The following LMO7 variants were observed in gnomAD, a reference collection of about 807,000 sequenced individuals.
The protein encoded by LMO7 is LIM domain only protein 7.
A neutral mutation model predicts 206.5 loss-of-function variants in LMO7; 120 were observed. The ratio of observed to expected loss-of-function variants is 0.58; its 90% confidence interval spans 0.50 to 0.68. The LOEUF is 0.68. LMO7 is among the 30% of genes least tolerant of loss of function. The pLI is 0.00. For missense variants in LMO7, 1,959 were observed against 1,957.9 expected, an observed-to-expected ratio of 1.00 and a Z score of -0.01; for synonymous variants, 706 against 681.5, an observed-to-expected ratio of 1.04 and a Z score of -0.56.
At position 75,752,640 on chromosome 13, in the gene LMO7, C is replaced by A. The variant is rs548265888; in HGVS notation, c.211-8292C>A. ...ATTGTCCATCATTCACACTCTACTT[C>A]CATTTGTATACATTATTTGGCTCCC... On this transcript the variant is annotated intron_variant, in intron 3 of 30. Coordinates refer to ENST00000377534, the MANE Select transcript of LMO7 (RefSeq NM_001306080.2). Among the ~76,000 whole-genome samples, 3 of 152,274 alleles carry A rather than the reference C, an allele frequency of 2.0e-5. No homozygotes were observed. The East Asian group carries it at 5.8e-4, about 29-fold the overall frequency.
chr13:75,770,360 G>A (rs929216890), intron 4 of LMO7, among the ~76,000 whole-genome samples: 1 of 151,956 alleles, frequency 6.6e-6, no homozygotes, highest in Non-Finnish European at 1.5e-5. Flanking sequence ...TTTGGCTAGA[G>A]CCTCACATAC....
At position 75,774,304 on chromosome 13, in the gene LMO7, G is replaced by A. The variant is rs1285442358; in HGVS notation, c.317+13266G>A. Among the ~76,000 whole-genome samples, 4 of 152,186 alleles carry A rather than the reference G, an allele frequency of 2.6e-5. No homozygotes were observed. The East Asian group carries it at 7.7e-4, about 29-fold the overall frequency. The stretch of plus-strand genomic sequence containing the variant: ...GAATATCATATAAGAGGAGCATACA[G>A]TATGTAGTCTGTTGTGTTTTATCCC... On this transcript the variant is annotated intron_variant, in intron 4 of 30. Transcript: ENST00000377534.
chr13:75,788,452 C>CAA (rs10638523), intron 4 of LMO7, among the ~76,000 whole-genome samples: 1,276 of 59,820 alleles, frequency 0.021, 39 homozygotes, highest in African/African-American at 0.072. Flanking sequence ...AACTCTGCCT[C>CAA]AAAAAAAAAA....
At position 75,623,291 on chromosome 13, in the gene LMO7, C is replaced by CA; in HGVS notation, c.200dup (p.Asn67LysfsTer9). 6.9e-7 allele frequency: 1 copy of CA among 1,456,388 alleles called. No individual in the cohort carries two copies. The highest frequency in any genetic ancestry group is 9.6e-7 in the Non-Finnish European group (1 of 1,039,894). The allele number at this position is 1,456,388 out of a possible 1,614,324, so 90.2% of individuals were successfully genotyped here. On this transcript the variant is annotated frameshift_variant, in exon 2 of 30. Transcript: ENST00000341547. LOFTEE classifies it high-confidence loss of function. ...CACAGATATAATTTTGAGGACTGAA[C>CA]AAAATTCAGGAAGGACTATTCTCAT...
chr13:75,841,668 C>T lies in LMO7; in HGVS notation c.3716C>T (p.Thr1239Ile). Residue 1239 changes from threonine to isoleucine, a missense_variant, in exon 24 of 31, where the codon ACA (threonine) becomes ATA (isoleucine). Coordinates refer to ENST00000377534, the MANE Select transcript of LMO7 (RefSeq NM_001306080.2). ...VLSSNSMSLT[T>I]REPSLATWEA... Reference sequence around the variant, plus strand: ...AGCTCAAACAGCATGTCTCTGACCACACGGGAGCCCTCTCTTGCCACCTGG... The same window carrying T: ...AGCTCAAACAGCATGTCTCTGACCATACGGGAGCCCTCTCTTGCCACCTGG... The T allele has an allele frequency of 6.2e-7, 1 of 1,614,098 alleles. No homozygotes were observed. The highest frequency in any genetic ancestry group is 8.5e-7 in the Non-Finnish European group (1 of 1,179,972).
chr13:75,762,534 C>G (rs963732190), intron 4 of LMO7, among the ~76,000 whole-genome samples: 3 of 152,090 alleles, frequency 2.0e-5, no homozygotes, highest in African/African-American at 7.2e-5. Context: ...CTAGGTGAAA[C>G]ATGTTTGTTG....
intron 3 of LMO7, among the ~76,000 whole-genome samples, chr13:75,729,673 G>GAAA (rs2044915829): frequency 6.6e-6 from 1 of 151,306 alleles, no homozygotes; most frequent in South Asian, 2.1e-4. Context: ...TGTTGAATAG[G>GAAA]AGTGGTGAGA....
At chr13:75,828,841 C>CTTGATAGAACTTTGTAAAATGCAAG (rs1382968403) in intron 15 of LMO7, among the ~76,000 whole-genome samples, 3 of 151,958 alleles carry the variant, frequency 2.0e-5, no homozygotes, top group Non-Finnish European at 2.9e-5. Context: ...GGATTATGGA[C>CTTGATAGAACTTTGTAAAATGCAAG]TTGATAGAAC....
At chr13:75,843,515 G>A (rs570904714) in intron 25 of LMO7, among the ~76,000 whole-genome samples, 3 of 152,032 alleles carry the variant, frequency 2.0e-5, no homozygotes, top group African/African-American at 7.2e-5. Flanking sequence ...ATTTTAAAAA[G>A]GTTATGAATA....
intron 2 of LMO7, among the ~76,000 whole-genome samples, chr13:75,716,521 T>A (rs2043546985): frequency 6.6e-6 from 1 of 152,218 alleles, no homozygotes; most frequent in African/African-American, 2.4e-5. Flanking sequence ...TTGGTTTTAC[T>A]AAACAGTGAG....
At chr13:75,787,893 G>T (rs2052683378) in intron 4 of LMO7, among the ~76,000 whole-genome samples, 1 of 152,166 alleles carries the variant, frequency 6.6e-6, no homozygotes, top group Non-Finnish European at 1.5e-5. Flanking sequence ...AGTATTCTAA[G>T]AATTCATCTT....
At chr13:75,640,776 C>T (rs950596986) in intron 1 of LMO7, among the ~76,000 whole-genome samples, 1 of 152,182 alleles carries the variant, frequency 6.6e-6, no homozygotes. Context: ...TTTCTTCTTC[C>T]AGCAGAAACT....
chr13:75,777,235 A>G (rs1239681935), intron 4 of LMO7, among the ~76,000 whole-genome samples: 2 of 152,172 alleles, frequency 1.3e-5, no homozygotes, highest in African/African-American at 4.8e-5. Context: ...CTTTGTTTAC[A>G]TTTTGCTTTA....
At chr13:75,842,739 G>A (rs1222019717) in intron 24 of LMO7, 112 bp from the exon 25 acceptor site, 1 of 670,468 alleles carries the variant, frequency 1.5e-6, no homozygotes, top group Non-Finnish European at 2.7e-6. Context: ...TTAACCCAAA[G>A]ACCATTTGCA....
chr13:75,717,440 C>G (rs1452337289), intron 2 of LMO7, among the ~76,000 whole-genome samples: 1 of 150,740 alleles, frequency 6.6e-6, no homozygotes, highest in African/African-American at 2.4e-5. Flanking sequence ...TTTTTCCTTT[C>G]TTGTATCTTG....
At chr13:75,626,593 A>ATATATATATATATATATATATATATATAT (rs1566249204) in intron 2 of LMO7, among the ~76,000 whole-genome samples, 2 of 64,734 alleles carry the variant, frequency 3.1e-5, no homozygotes, top group African/African-American at 7.5e-5. Flanking sequence ...ATATATATAT[A>ATATATATATATATATATATATATATATAT]AATTTTTTTG....
At position 75,677,856 on chromosome 13, in the gene LMO7, T is replaced by C. The variant is rs542792146; in HGVS notation, c.70-35326T>C. Among the ~76,000 whole-genome samples, 29 of 141,828 alleles carry C rather than the reference T, an allele frequency of 2.0e-4. No homozygotes were observed. The East Asian group carries it at 6.2e-3, about 30-fold the overall frequency. The allele number at this position is 141,828 out of a possible 152,430, so 93.0% of individuals were successfully genotyped here. A position where few individuals can be genotyped will look rare whatever the true frequency, so the allele number is the denominator to read the frequency against. ...CCCTTCTTGTGTCCATGTGTTCTCA[T>C]TGTTCAATTCCCACCTATGAGTGAG... On this transcript the variant is annotated intron_variant, in intron 1 of 30. Transcript: ENST00000377534.
At chr13:75,842,638 T>C (rs1018892040) in intron 24 of LMO7, among the ~76,000 whole-genome samples, 1 of 152,218 alleles carries the variant, frequency 6.6e-6, no homozygotes, top group African/African-American at 2.4e-5. Context: ...TCAGTATGTA[T>C]TTGTAGAATG....
chr13:75,714,924 G>A lies in LMO7; in HGVS notation c.140+1672G>A, dbSNP rs149979163. ...AAGCCATCAACCATACACCCCACAA[G>A]TCTAAATAGGAATTGGGTAGGTTTG... On this transcript the variant is annotated intron_variant, in intron 2 of 30. Transcript: ENST00000377534. Among the ~76,000 whole-genome samples the A allele has an allele frequency of 2.6e-5, 4 of 151,824 alleles. No homozygotes were observed. In the East Asian group the frequency reaches 7.7e-4, roughly 29 times the overall value.
Sources: allele counts gnomAD v4.1 joint callset (sites outside exome capture counted in the v4.1 genomes callset), GRCh38; gene constraint gnomAD v4.1.1; transcripts MANE v1.5; gene names NCBI Gene and HGNC (gene_info 2026-07-23, HGNC 2026-07-21).